The following ABLIM3 variants were observed in gnomAD, a reference collection of about 807,000 sequenced individuals.
The protein encoded by ABLIM3 is actin binding LIM protein family member 3, also known as actin-binding LIM protein 3.
A neutral mutation model predicts 109.5 loss-of-function variants in ABLIM3; 61 were observed. The ratio of observed to expected loss-of-function variants is 0.56; its 90% confidence interval spans 0.45 to 0.69. The LOEUF (loss-of-function observed/expected upper bound fraction) is 0.69. Among genes scored for constraint, ABLIM3 ranks in the 30% least tolerant of loss-of-function variants. The probability of loss-of-function intolerance (pLI) is 0.00; values close to 1 mark genes in which losing one functional copy is unlikely to be tolerated. For missense variants in ABLIM3, 796 were observed against 889.5 expected (o/e 0.89, Z 1.34); for synonymous variants, 300 against 324.8 (o/e 0.92, Z 0.82).
At chr5:149,239,620 G>C in intron 12 of ABLIM3, 139 bp from the exon 13 acceptor site, 1 of 1,217,110 alleles carries the variant, frequency 8.2e-7, no homozygotes, top group Admixed American at 2.6e-5. Flanking sequence ...GTGTAACTCA[G>C]GGAGGAGGGG....
At chr5:149,155,301 G>C (rs1753781188) in intron 2 of ABLIM3, among the ~76,000 whole-genome samples, 1 of 152,088 alleles carries the variant, frequency 6.6e-6, no homozygotes, top group African/African-American at 2.4e-5. Context: ...CATTCACTCG[G>C]GCAGTGAAAC....
chr5:149,218,697 A>T (rs1323727713), intron 8 of ABLIM3: 1 of 152,274 alleles, frequency 6.6e-6, no homozygotes, highest in African/African-American at 2.4e-5. Flanking sequence ...CTTCTTTGGA[A>T]ATCCTATCAT....
intron 12 of ABLIM3, 24 bp downstream of exon 12, chr5:149,239,301 A>G (rs1439925197): frequency 1.2e-6 from 2 of 1,611,796 alleles, no homozygotes; most frequent in Admixed American, 3.3e-5. Context: ...TAGAGAATTA[A>G]GTTGATATAT....
chr5:149,142,352 TC>T (rs1203839249), intron 2 of ABLIM3, among the ~76,000 whole-genome samples: 1 of 152,226 alleles, frequency 6.6e-6, no homozygotes, highest in Non-Finnish European at 1.5e-5. Context: ...GGAAGGCTGC[TC>T]GTCTCCTTCT....
intron 9 of ABLIM3, among the ~76,000 whole-genome samples, chr5:149,232,901 C>A (rs1383269580): frequency 5.3e-5 from 8 of 152,138 alleles, no homozygotes; most frequent in Non-Finnish European, 1.5e-5. Context: ...GAATGCTAAC[C>A]AATTTTATTT....
chr5:149,176,756 A>G (rs1392473357), intron 2 of ABLIM3, among the ~76,000 whole-genome samples: 2 of 152,082 alleles, frequency 1.3e-5, no homozygotes, highest in Non-Finnish European at 2.9e-5. Context: ...CTATTACTTC[A>G]TGCATGGCGT....
At chr5:149,171,184 G>A (rs1356156072) in intron 2 of ABLIM3, among the ~76,000 whole-genome samples, 1 of 152,130 alleles carries the variant, frequency 6.6e-6, no homozygotes, top group Non-Finnish European at 1.5e-5. Context: ...CATTAGAGAT[G>A]CAATAAAAAG....
intron 7 of ABLIM3, among the ~76,000 whole-genome samples, chr5:149,212,805 G>A (rs1047750390): frequency 6.6e-6 from 1 of 152,146 alleles, no homozygotes; most frequent in African/African-American, 2.4e-5. Context: ...TGAAATCCCA[G>A]GAGTGTTTCC....
chr5:149,149,587 T>A (rs1753245150), intron 2 of ABLIM3, among the ~76,000 whole-genome samples: 1 of 152,146 alleles, frequency 6.6e-6, no homozygotes, highest in African/African-American at 2.4e-5. Context: ...ATCCCAATTG[T>A]CCTAGTTCAG....
At chr5:149,217,161 G>A (rs1038277038) in intron 8 of ABLIM3, 115 bp downstream of exon 8, 6 of 1,052,264 alleles carry the variant, frequency 5.7e-6, no homozygotes, top group Non-Finnish European at 7.1e-6. Context: ...CTTGGCTTTT[G>A]CCTTGTCCTC....
At chr5:149,245,131 G>A in intron 16 of ABLIM3, 116 bp downstream of exon 16, 1 of 1,359,732 alleles carries the variant, frequency 7.4e-7, no homozygotes, top group Non-Finnish European at 1.0e-6. Flanking sequence ...GTGCTTAGAG[G>A]GTTTATAACT....
chr5:149,232,908 AT>A (rs1197470440), intron 9 of ABLIM3, among the ~76,000 whole-genome samples: 1 of 152,206 alleles, frequency 6.6e-6, no homozygotes, highest in East Asian at 1.9e-4. Flanking sequence ...AACCAATTTT[AT>A]TTTTTAAAAG....
At chr5:149,201,346 A>G (rs1758469091) in intron 5 of ABLIM3, among the ~76,000 whole-genome samples, 1 of 152,102 alleles carries the variant, frequency 6.6e-6, no homozygotes, top group Non-Finnish European at 1.5e-5. Context: ...AAATCAATGA[A>G]AATTCCATTA....
At chr5:149,213,700 G>A (rs975585513) in intron 7 of ABLIM3, among the ~76,000 whole-genome samples, 4 of 152,128 alleles carry the variant, frequency 2.6e-5, no homozygotes, top group South Asian at 2.1e-4. Context: ...CCGTTTCCCC[G>A]AGAGTTACCG....
At chr5:149,181,902 T>C (rs1482244261) in intron 2 of ABLIM3, among the ~76,000 whole-genome samples, 1 of 152,178 alleles carries the variant, frequency 6.6e-6, no homozygotes, top group Non-Finnish European at 1.5e-5. Flanking sequence ...GACTCCTCAA[T>C]CCGGATCCAA....
intron 3 of ABLIM3, among the ~76,000 whole-genome samples, chr5:149,193,557 G>T (rs78735664): frequency 0.05 from 7,591 of 152,084 alleles, 575 homozygotes; most frequent in African/African-American, 0.17. Flanking sequence ...GAACTATATA[G>T]TCAAAACAAT....
chr5:149,192,216 GA>G (rs1011223642), intron 3 of ABLIM3, among the ~76,000 whole-genome samples: 92 of 144,236 alleles, frequency 6.4e-4, no homozygotes, highest in Middle Eastern at 3.5e-3. Context: ...GTTTGAAAAG[GA>G]AAAAAAAAAC....
intron 2 of ABLIM3, among the ~76,000 whole-genome samples, chr5:149,156,868 T>C (rs1199228312): frequency 5.3e-5 from 8 of 152,238 alleles, no homozygotes; most frequent in Admixed American, 3.9e-4. Flanking sequence ...GAAATGTATT[T>C]AGAAGAATAA....
intron 7 of ABLIM3, among the ~76,000 whole-genome samples, chr5:149,214,340 G>C (rs1759841517): frequency 6.6e-6 from 1 of 152,316 alleles, no homozygotes; most frequent in African/African-American, 2.4e-5. Context: ...GGGCGTTCTT[G>C]GTGATGGGAA....
Sources: gnomAD v4.1 joint callset for allele counts (sites outside exome capture counted in the v4.1 genomes callset) on GRCh38, gnomAD v4.1.1 for gene constraint, MANE v1.5 for transcripts, NCBI Gene and HGNC (gene_info 2026-07-23, HGNC 2026-07-21) for gene names.